Variants in XKR9 observed in about 807,000 individuals in gnomAD.
XKR9 encodes the protein XK related 9, also known as XK-related protein 9.
A neutral mutation model predicts 32.0 loss-of-function variants in XKR9; 32 were observed. The observed-to-expected ratio is 1.00, with a 90% confidence interval of 0.76 to 1.34. The LOEUF (loss-of-function observed/expected upper bound fraction) is 1.34. Ranked by LOEUF, XKR9 falls within the 40% of genes most tolerant of loss-of-function variation. XKR9 has a pLI of 0.00. For synonymous variants in XKR9, 168 were observed against 143.4 expected (o/e 1.17, Z -1.22); for missense variants, 546 against 429.7 (o/e 1.27, Z -2.39).
chr8:70,754,857 G>A (rs1348123626), intron 2 of XKR9, among the ~76,000 whole-genome samples: 1 of 151,984 alleles, frequency 6.6e-6, no homozygotes, highest in Non-Finnish European at 1.5e-5. Flanking sequence ...GCATGGGCAA[G>A]GACTTCCTGT....
intron 2 of XKR9, among the ~76,000 whole-genome samples, chr8:70,743,498 C>T (rs887363361): frequency 2.0e-5 from 3 of 152,034 alleles, no homozygotes; most frequent in African/African-American, 7.3e-5. Flanking sequence ...CATTTTAGAT[C>T]CTCTTGATTA....
At chr8:70,767,713 G>C (rs1330979609) in intron 2 of XKR9, among the ~76,000 whole-genome samples, 3 of 151,860 alleles carry the variant, frequency 2.0e-5, no homozygotes, top group Non-Finnish European at 2.9e-5. Context: ...GTGTTAGCCA[G>C]GATGGTCTTG....
At chr8:70,747,082 C>T (rs1563466222) in intron 2 of XKR9, among the ~76,000 whole-genome samples, 1 of 152,142 alleles carries the variant, frequency 6.6e-6, no homozygotes, top group Non-Finnish European at 1.5e-5. Flanking sequence ...CTGCAGAGGA[C>T]ATGATTTTGT....
At position 70,734,060 on chromosome 8, in the gene XKR9, T is replaced by A; in HGVS notation, c.758T>A (p.Phe253Tyr). The stretch of plus-strand genomic sequence containing the variant: ...TGGGCATTTAAAAACAACACCCAGT[T>A]TTGTACTTGTATAAGTATGGAATTC... ...IIWAFKNNTQ[F>Y]CTCISMEFLY... The change falls in exon 5 of 5, where the codon TTT becomes TAT. Residue 253 changes from phenylalanine (F) to tyrosine (Y), a missense_variant. Transcript: ENST00000408926. 1.2e-6 allele frequency: 2 copies of A among 1,613,172 alleles called. No homozygotes were observed. Among genetic ancestry groups the A allele is most frequent in the Non-Finnish European group, 1.7e-6 (2 of 1,179,402 alleles).
chr8:70,889,491 T>C, the XKR9 span, among the ~76,000 whole-genome samples: 3 of 151,854 alleles, frequency 2.0e-5, no homozygotes, highest in Admixed American at 6.6e-5. Context: ...TAGGGTGTGA[T>C]TGATCTCATC....
the XKR9 span, among the ~76,000 whole-genome samples, chr8:70,973,297 A>T: frequency 6.6e-6 from 1 of 151,848 alleles, no homozygotes; most frequent in Non-Finnish European, 1.5e-5. Context: ...TTGTGGTATT[A>T]GTTGTAATAT....
chr8:70,953,842 C>A, the XKR9 span, among the ~76,000 whole-genome samples: 4 of 152,196 alleles, frequency 2.6e-5, no homozygotes, highest in African/African-American at 9.6e-5. Flanking sequence ...CTTTCCCTGG[C>A]AGATTCCCAT....
At chr8:71,013,796 C>T in the XKR9 span, among the ~76,000 whole-genome samples, 1 of 152,166 alleles carries the variant, frequency 6.6e-6, no homozygotes, top group East Asian at 1.9e-4. Context: ...GGGCAGTCTA[C>T]ATCCATGCAG....
intron 3 of XKR9, among the ~76,000 whole-genome samples, chr8:70,684,111 C>T (rs1259652361): frequency 6.6e-6 from 1 of 152,000 alleles, no homozygotes; most frequent in Non-Finnish European, 1.5e-5. Flanking sequence ...TGGGTTTCTA[C>T]AGTTTAATTA....
the XKR9 span, among the ~76,000 whole-genome samples, chr8:71,055,801 G>A: frequency 6.6e-6 from 1 of 152,064 alleles, no homozygotes; most frequent in Non-Finnish European, 1.5e-5. Flanking sequence ...TAATATTGGA[G>A]GATTATTGCT....
At chr8:70,983,367 C>T in the XKR9 span, among the ~76,000 whole-genome samples, 166 of 152,152 alleles carry the variant, frequency 1.1e-3, 1 homozygote, top group Non-Finnish European at 2.0e-3. Context: ...CACCACTTGA[C>T]GCAGCCTGTT....
chr8:70,874,274 G>A, the XKR9 span, among the ~76,000 whole-genome samples: 1 of 152,032 alleles, frequency 6.6e-6, no homozygotes, highest in Admixed American at 6.6e-5. Flanking sequence ...ATATACATCA[G>A]TAAATAACGT....
intron 4 of XKR9, among the ~76,000 whole-genome samples, chr8:70,723,004 T>A (rs1318060001): frequency 6.6e-6 from 1 of 151,892 alleles, no homozygotes; most frequent in Non-Finnish European, 1.5e-5. Context: ...CCTTTTCATT[T>A]TGTTTTCTCT....
At chr8:70,901,054 A>G in the XKR9 span, among the ~76,000 whole-genome samples, 3 of 152,174 alleles carry the variant, frequency 2.0e-5, no homozygotes, top group Admixed American at 6.5e-5. Context: ...AATCCAGTCT[A>G]TCATTGATGG....
intron 3 of XKR9, among the ~76,000 whole-genome samples, chr8:70,685,808 A>G (rs1366235563): frequency 1.3e-5 from 2 of 151,262 alleles, no homozygotes; most frequent in African/African-American, 4.8e-5. Context: ...TGGGTGCAGC[A>G]CACCAGCATG....
At chr8:70,741,724 C>G (rs956920288) in intron 2 of XKR9, among the ~76,000 whole-genome samples, 2 of 152,162 alleles carry the variant, frequency 1.3e-5, no homozygotes, top group Non-Finnish European at 2.9e-5. Context: ...CATGGGTTTA[C>G]AAATACTTCT....
chr8:70,912,128 G>C, the XKR9 span, among the ~76,000 whole-genome samples: 3 of 152,172 alleles, frequency 2.0e-5, no homozygotes, highest in Non-Finnish European at 4.4e-5. Flanking sequence ...GGATGGCTGT[G>C]CACGAGTTTG....
At chr8:70,965,279 G>C in the XKR9 span, among the ~76,000 whole-genome samples, 1 of 152,184 alleles carries the variant, frequency 6.6e-6, no homozygotes, top group African/African-American at 2.4e-5. Flanking sequence ...AATCAACCTT[G>C]CATCCTGGGG....
At chr8:71,038,750 C>CAAAA in the XKR9 span, among the ~76,000 whole-genome samples, 1 of 97,538 alleles carries the variant, frequency 1.0e-5, no homozygotes, top group Non-Finnish European at 2.0e-5. Flanking sequence ...TCTCAATTTT[C>CAAAA]AAAAAAAAAA....
Sources: gnomAD v4.1 joint callset for allele counts (sites outside exome capture counted in the v4.1 genomes callset) on GRCh38, gnomAD v4.1.1 for gene constraint, MANE v1.5 for transcripts, NCBI Gene and HGNC (gene_info 2026-07-23, HGNC 2026-07-21) for gene names.